The following MUSK variants were observed in gnomAD, a reference collection of about 807,000 sequenced individuals.
The protein encoded by MUSK is muscle associated receptor tyrosine kinase, also known as muscle, skeletal receptor tyrosine-protein kinase.
In MUSK, 55 loss-of-function variants were observed where a neutral mutation model predicts 88.7. That is an observed-to-expected ratio of 0.62 (90% CI 0.50 to 0.78). The LOEUF (loss-of-function observed/expected upper bound fraction) is 0.78, where lower values mean the gene tolerates loss of function less well. Among genes scored for constraint, MUSK ranks in the 30% least tolerant of loss-of-function variants. The pLI, the probability that MUSK is intolerant of heterozygous loss-of-function variation, is 0.00. For synonymous variants in MUSK, 387 were observed against 391.9 expected (o/e 0.99, Z 0.15); for missense variants, 1,015 against 1,074.3 (o/e 0.94, Z 0.77).
Position 110,730,840 on chromosome 9 carries a change from A to G in MUSK, c.629-3411A>G, listed in dbSNP as rs1256962737. Among the ~76,000 whole-genome samples, 8 of 152,206 alleles carry G rather than the reference A, an allele frequency of 5.3e-5. No homozygotes were observed. In the East Asian group the frequency reaches 1.5e-3, roughly 29 times the overall value. Reference sequence around the variant, plus strand: ...GCTGGAATGAAAAATAAAGATTTCTATTCCATGTGAGGATTAGACTAACAT... The same window carrying G: ...GCTGGAATGAAAAATAAAGATTTCTGTTCCATGTGAGGATTAGACTAACAT... On this transcript the variant is annotated intron_variant, in intron 5 of 14. Transcript: ENST00000374448.
chr9:110,699,128 T>C (rs1297380889), intron 5 of MUSK, among the ~76,000 whole-genome samples: 6 of 152,218 alleles, frequency 3.9e-5, no homozygotes, highest in African/African-American at 9.6e-5. Flanking sequence ...GTTGGAGTTA[T>C]TATACAGTTT....
At chr9:110,696,948 C>T (rs1242806065) in intron 4 of MUSK, among the ~76,000 whole-genome samples, 3 of 151,300 alleles carry the variant, frequency 2.0e-5, no homozygotes, top group East Asian at 3.9e-4. Context: ...CACCACCCCA[C>T]TCTGCAACAT....
At position 110,804,601 on chromosome 9, in the gene MUSK, G is replaced by A. The variant is rs1351508953; in HGVS notation, c.*3613G>A. Among the ~76,000 whole-genome samples the A allele has an allele frequency of 6.6e-6, 1 of 151,524 alleles. No homozygotes were observed. The highest frequency in any genetic ancestry group is 1.5e-5 in the Non-Finnish European group (1 of 67,814). On this transcript the variant is annotated 3_prime_UTR_variant, in exon 15 of 15. Transcript: ENST00000374448. Reference sequence around the variant, plus strand: ...GTGTTCATTTTCTAATCGAATTATGGGATTTATCTTGTAAAAAGCCTATTA... The same window carrying A: ...GTGTTCATTTTCTAATCGAATTATGAGATTTATCTTGTAAAAAGCCTATTA...
chr9:110,671,926 G>T (rs767585942), intron 1 of MUSK, among the ~76,000 whole-genome samples: 22 of 152,274 alleles, frequency 1.4e-4, no homozygotes, highest in Admixed American at 5.2e-4. Context: ...ACGTTGAAGT[G>T]TTTGAGCGTA....
rs2078134078 is a variant in MUSK at position 110,804,373 on chromosome 9, T to C, written c.*3385T>C. Among the ~76,000 whole-genome samples, 1 of 152,172 alleles carries C rather than the reference T, an allele frequency of 6.6e-6. No homozygotes were observed. Among genetic ancestry groups the C allele is most frequent in the African/African-American group, 2.4e-5 (1 of 41,458 alleles). ...AGAAATATTACTGCCACTTCTACAT[T>C]GTACAAGAGATCTCATAGCCCTAAA... On this transcript the variant is annotated 3_prime_UTR_variant, in exon 15 of 15. Coordinates refer to ENST00000374448, the MANE Select transcript of MUSK (RefSeq NM_005592.4).
In MUSK at chr9:110,802,693, C is replaced by G. The variant is rs2078112059; in HGVS notation, c.*1705C>G. Among the ~76,000 whole-genome samples, 1 of 152,140 alleles carries G rather than the reference C, an allele frequency of 6.6e-6. No individual in the cohort carries two copies. ...AATCCTCCTGCTGACATCCTCTTCC[C>G]TTCAACCCAAGAGCCAATGACTCAA... On this transcript the variant is annotated 3_prime_UTR_variant, in exon 15 of 15. Coordinates refer to ENST00000374448, the MANE Select transcript of MUSK (RefSeq NM_005592.4).
chr9:110,762,238 C>T, intron 8 of MUSK, 30 bp downstream of exon 8: 1 of 1,412,016 alleles, frequency 7.1e-7, no homozygotes, highest in South Asian at 1.7e-5. Flanking sequence ...ACAATTGTTT[C>T]CAATGTTTTG....
At chr9:110,701,652 A>ATTAT (rs1554739450) in intron 5 of MUSK, among the ~76,000 whole-genome samples, 1 of 10,802 alleles carries the variant, frequency 9.3e-5, no homozygotes, top group Non-Finnish European at 2.3e-4. Context: ...GTGCTCAGCT[A>ATTAT]TTTATTTTAT....
At chr9:110,799,286 G>C (rs2078057187) in intron 14 of MUSK, among the ~76,000 whole-genome samples, 1 of 152,082 alleles carries the variant, frequency 6.6e-6, no homozygotes, top group African/African-American at 2.4e-5. Flanking sequence ...CTATTTTTAA[G>C]ATGATGTGAA....
Position 110,765,924 on chromosome 9 carries a change from A to G in MUSK, c.921-1896A>G, listed in dbSNP as rs187693744. 2.7e-4 allele frequency among the ~76,000 whole-genome samples: 41 copies of G among 152,268 alleles called. 1 individual carries two copies. Among genetic ancestry groups the G allele is most frequent in the Admixed American group, 1.4e-3 (22 of 15,298 alleles). ...TTCAATGAAGTATGAACAGCTGTGT[A>G]GAAATATGATTAGACACAAAGGGTA... On this transcript the variant is annotated intron_variant, in intron 8 of 14. Transcript: ENST00000374448.
intron 5 of MUSK, among the ~76,000 whole-genome samples, chr9:110,717,594 AT>A (rs947348249): frequency 6.7e-6 from 1 of 149,876 alleles, no homozygotes; most frequent in Non-Finnish European, 1.5e-5. Flanking sequence ...TCTGTTTCCA[AT>A]TTCTTATTTC....
chr9:110,772,551 G>GT (rs1455491966), intron 9 of MUSK, among the ~76,000 whole-genome samples: 1 of 151,718 alleles, frequency 6.6e-6, no homozygotes, highest in South Asian at 2.1e-4. Flanking sequence ...TTTTATAGAG[G>GT]TTTTTTCTCT....
chr9:110,754,581 GC>G (rs1339819898), intron 7 of MUSK, among the ~76,000 whole-genome samples: 1 of 152,116 alleles, frequency 6.6e-6, no homozygotes, highest in African/African-American at 2.4e-5. Context: ...TTTTGCATTG[GC>G]TTATCTCCAT....
At chr9:110,762,354 T>C in intron 8 of MUSK, 146 bp downstream of exon 8, 1 of 479,516 alleles carries the variant, frequency 2.1e-6, no homozygotes, top group East Asian at 3.2e-5. Flanking sequence ...GACATGCCAT[T>C]TATTGAGTGT....
intron 7 of MUSK, among the ~76,000 whole-genome samples, chr9:110,753,260 A>G (rs2821152): frequency 0.049 from 7,415 of 152,036 alleles, 265 homozygotes; most frequent in Middle Eastern, 0.082. Flanking sequence ...GTGAAACTCC[A>G]TCTCTACTAA....
At chr9:110,675,515 C>T (rs2076015238) in intron 1 of MUSK, among the ~76,000 whole-genome samples, 1 of 148,862 alleles carries the variant, frequency 6.7e-6, no homozygotes, top group Non-Finnish European at 1.5e-5. Context: ...GCCACCGTGC[C>T]TGGCCGCTAC....
intron 5 of MUSK, among the ~76,000 whole-genome samples, chr9:110,701,660 TATTTATTTTATTTTATTTTTTTTAC>T (rs2076504016): frequency 3.0e-5 from 1 of 32,828 alleles, no homozygotes; most frequent in Non-Finnish European, 5.5e-5. Flanking sequence ...CTATTTATTT[TATTTATTTTATTTTATTTTTTTTAC>T]TTTACTTTAT....
chr9:110,785,873 A>G (rs2077849354), intron 13 of MUSK, among the ~76,000 whole-genome samples, 155 bp downstream of exon 13: 1 of 148,746 alleles, frequency 6.7e-6, no homozygotes. Context: ...GTACATATAT[A>G]TGTACACTGT....
rs544091003 is a variant in MUSK at position 110,782,336 on chromosome 9, G to A, written c.1385-2479G>A. Among the ~76,000 whole-genome samples, 18 of 152,290 alleles carry A rather than the reference G, an allele frequency of 1.2e-4. No homozygotes were observed. In the South Asian group the frequency reaches 3.7e-3, roughly 32 times the overall value. ...GGAAGATCAGATCAAATCAGAAGCA[G>A]TCATCAAGGAATAACAAAACAAAAC... On this transcript the variant is annotated intron_variant, in intron 11 of 14. Transcript: ENST00000374448.
Sources: allele counts gnomAD v4.1 joint callset (sites outside exome capture counted in the v4.1 genomes callset), GRCh38; gene constraint gnomAD v4.1.1; transcripts MANE v1.5; gene names NCBI Gene and HGNC (gene_info 2026-07-23, HGNC 2026-07-21).